PCDHA5: variants seen among roughly 807,000 people sequenced by gnomAD.
PCDHA5 encodes the protein protocadherin alpha 5.
In PCDHA5, 43 loss-of-function variants were observed where a neutral mutation model predicts 61.6. The ratio of observed to expected loss-of-function variants is 0.70; its 90% CI spans 0.55 to 0.90. PCDHA5 has a LOEUF of 0.90. Ranked by LOEUF, PCDHA5 falls within the 40% of genes least tolerant of loss-of-function variation. The pLI, the probability that PCDHA5 is intolerant of heterozygous loss-of-function variation, is 0.00. For synonymous variants in PCDHA5, 627 were observed against 543.9 expected (o/e 1.15, Z -2.13); for missense variants, 1,298 against 1,222.7 (o/e 1.06, Z -0.92).
At chr5:140,895,868 A>G (rs555320203) in intron 1 of PCDHA5, among the ~76,000 whole-genome samples, 5 of 152,228 alleles carry the variant, frequency 3.3e-5, no homozygotes, top group Admixed American at 6.5e-5. Flanking sequence ...CTGGAGTGCA[A>G]TGGCGCGATC....
intron 3 of PCDHA5, among the ~76,000 whole-genome samples, chr5:140,991,017 C>G (rs1440489095): frequency 6.6e-6 from 1 of 152,178 alleles, no homozygotes; most frequent in Non-Finnish European, 1.5e-5. Context: ...GTGATAAGCA[C>G]TTTACATATG....
chr5:141,009,809 G>T lies in PCDHA5; in HGVS notation c.2683G>T (p.Asp895Tyr), dbSNP rs782057926. The T allele has an allele frequency of 6.2e-7, 1 of 1,613,834 alleles. No homozygotes were observed. Among genetic ancestry groups the T allele is most frequent in the Non-Finnish European group, 8.5e-7 (1 of 1,180,010 alleles). ...GCAGGAGCCTACTAACAGCCAAATT[G>T]ACAAAAGTGACTTCATAACCTTCGG... ...IRQEPTNSQI[D>Y]KSDFITFGKK... The change falls in exon 4 of 4, where the codon GAC becomes TAC. Residue 895 changes from aspartate to tyrosine, a missense_variant. Physicochemically the swap from Asp to Tyr is radical, Grantham distance 160 (BLOSUM62 -3). Coordinates refer to ENST00000529859, the MANE Select transcript of PCDHA5 (RefSeq NM_018908.3).
At chr5:140,898,233 C>T (rs2066607638) in intron 1 of PCDHA5, among the ~76,000 whole-genome samples, 1 of 152,126 alleles carries the variant, frequency 6.6e-6, no homozygotes, top group African/African-American at 2.4e-5. Flanking sequence ...GTTGCCATTG[C>T]TTTTGGTGTT....
intron 1 of PCDHA5, among the ~76,000 whole-genome samples, chr5:140,890,365 T>A: frequency 6.6e-6 from 1 of 152,216 alleles, no homozygotes; most frequent in Non-Finnish European, 1.5e-5. Context: ...ATGGATAACC[T>A]GAACAAGTAC....
intron 3 of PCDHA5, among the ~76,000 whole-genome samples, chr5:140,986,828 G>A (rs1001117075): frequency 3.9e-5 from 6 of 152,146 alleles, no homozygotes; most frequent in Non-Finnish European, 5.9e-5. Flanking sequence ...TTTAGACAAT[G>A]GTTCTCAAAG....
chr5:141,000,421 ATTTTT>A (rs34755515), intron 3 of PCDHA5, among the ~76,000 whole-genome samples: 89 of 27,938 alleles, frequency 3.2e-3, no homozygotes, highest in East Asian at 4.2e-3. Flanking sequence ...ATATATATAT[ATTTTT>A]TTTTTTTTTT....
rs117857377 is a variant in PCDHA5, at chr5:140,947,298, A to G, written c.2353-31651A>G. ...TTTTTCTTTTTATTGCATTATCTTG[A>G]CATCTTTGTAAAAAGTCGGTTGACC... On this transcript the variant is annotated intron_variant, in intron 1 of 3. Transcript: ENST00000529859. Among the ~76,000 whole-genome samples, 349 of 151,704 alleles carry G rather than the reference A, an allele frequency of 2.3e-3. 8 individuals carry two copies. In the East Asian group the frequency reaches 0.06, roughly 26 times the overall value.
chr5:140,937,648 CACGCCTGTAATCCCAGCACT>C (rs1554211703), intron 1 of PCDHA5, among the ~76,000 whole-genome samples: 3 of 150,626 alleles, frequency 2.0e-5, no homozygotes, highest in South Asian at 4.2e-4. Flanking sequence ...CATGGTGGCT[CACGCCTGTAATCCCAGCACT>C]TTGGGAGGCT....
chr5:140,842,292 A>C (rs2150333564), intron 1 of PCDHA5: 1 of 1,610,470 alleles, frequency 6.2e-7, no homozygotes, highest in African/African-American at 1.3e-5. Context: ...GACGCCACGG[A>C]CAAAGGCCAT....
chr5:140,999,011 A>G (rs2097843002), intron 3 of PCDHA5, among the ~76,000 whole-genome samples: 1 of 152,246 alleles, frequency 6.6e-6, no homozygotes, highest in Non-Finnish European at 1.5e-5. Flanking sequence ...CTGAGATTTG[A>G]ACCCAAGACT....
chr5:141,000,765 G>T (rs1554257794), intron 3 of PCDHA5, among the ~76,000 whole-genome samples: 9 of 151,816 alleles, frequency 5.9e-5, no homozygotes, highest in Non-Finnish European at 2.9e-5. Context: ...ATCTTAGCCA[G>T]GCATAGTGGC....
intron 1 of PCDHA5, among the ~76,000 whole-genome samples, chr5:140,886,663 T>G (rs1164928390): frequency 6.6e-6 from 1 of 151,786 alleles, no homozygotes; most frequent in Non-Finnish European, 1.5e-5. Flanking sequence ...CTGTCTCTAC[T>G]AAAAATACAA....
Position 140,842,608 on chromosome 5 carries a change from C to G in PCDHA5, c.2352+18481C>G. On this transcript the variant is annotated intron_variant, in intron 1 of 3. Transcript: ENST00000529859. ...ATGAGTTGGTGGTAACCGCGCGGGACGGGGGCTCGCCTTCGCTGTGGGCCA... is the reference window on the plus strand; with the variant it reads ...ATGAGTTGGTGGTAACCGCGCGGGAGGGGGGCTCGCCTTCGCTGTGGGCCA... The G allele has an allele frequency of 1.9e-6, 3 of 1,557,216 alleles. No homozygotes were observed. The East Asian group carries it at 6.8e-5, about 35-fold the overall frequency.
At chr5:140,909,025 T>C (rs1226589511) in intron 1 of PCDHA5, among the ~76,000 whole-genome samples, 1 of 152,156 alleles carries the variant, frequency 6.6e-6, no homozygotes, top group African/African-American at 2.4e-5. Context: ...TGAATTTTAG[T>C]CATTTATTTT....
intron 1 of PCDHA5, chr5:140,969,448 G>C (rs781843317): frequency 2.0e-6 from 3 of 1,537,944 alleles, no homozygotes; most frequent in Non-Finnish European, 2.6e-6. Flanking sequence ...CTGGTAAACT[G>C]AGTATATATA....
At chr5:140,863,423 T>A (rs1334887353) in intron 1 of PCDHA5, 2 of 677,498 alleles carry the variant, frequency 3.0e-6, no homozygotes, top group Non-Finnish European at 5.2e-6. Flanking sequence ...TACCGCAGCG[T>A]AGTGGGATCT....
intron 1 of PCDHA5, among the ~76,000 whole-genome samples, chr5:140,907,240 A>G (rs563432322): frequency 5.3e-5 from 8 of 152,310 alleles, no homozygotes; most frequent in Admixed American, 5.2e-4. Context: ...CCTAGTTGAC[A>G]TTGTAATTGT....
intron 1 of PCDHA5, chr5:140,828,447 T>G: frequency 6.2e-7 from 1 of 1,614,248 alleles, no homozygotes; most frequent in Non-Finnish European, 8.5e-7. Context: ...GTTTTCCATG[T>G]GGACGTGGAG....
At chr5:140,988,085 G>T (rs1490034264) in intron 3 of PCDHA5, among the ~76,000 whole-genome samples, 1 of 152,176 alleles carries the variant, frequency 6.6e-6, no homozygotes, top group East Asian at 1.9e-4. Flanking sequence ...ATGAGTGAGT[G>T]CAGCCTCGGG....
Sources: gnomAD v4.1 joint callset for allele counts (sites outside exome capture counted in the v4.1 genomes callset) on GRCh38, gnomAD v4.1.1 for gene constraint, MANE v1.5 for transcripts, NCBI Gene and HGNC (gene_info 2026-07-23, HGNC 2026-07-21) for gene names.